Variants in NRXN3 observed in about 807,000 individuals in gnomAD.
NRXN3 encodes the protein neurexin III.
NRXN3 carries 32 observed loss-of-function variants against 137.6 expected under a neutral mutation model. That is an observed-to-expected ratio of 0.23 (90% CI 0.18 to 0.31). NRXN3 has a LOEUF of 0.31. Ranked by LOEUF, NRXN3 falls within the 10% of genes least tolerant of loss-of-function variation. NRXN3 has a pLI of 1.00. For missense variants in NRXN3, 1,574 were observed against 2,062.5 expected, an observed-to-expected ratio of 0.76 and a Z score of 4.59; for synonymous variants, 798 against 784.5, an observed-to-expected ratio of 1.02 and a Z score of -0.29.
intron 15 of NRXN3, among the ~76,000 whole-genome samples, chr14:79,264,458 GT>G (rs2153414034): frequency 6.6e-6 from 1 of 151,912 alleles, no homozygotes; most frequent in African/African-American, 2.4e-5. Flanking sequence ...ACAAAGTTAG[GT>G]TTCTTCTGAG....
intron 4 of NRXN3, among the ~76,000 whole-genome samples, chr14:78,419,758 G>C (rs760029747): frequency 4.6e-5 from 7 of 152,140 alleles, no homozygotes; most frequent in Non-Finnish European, 1.0e-4. Context: ...CTAGAGACTG[G>C]GTGAAGGGGA....
intron 19 of NRXN3, among the ~76,000 whole-genome samples, chr14:79,744,979 G>A (rs1184125196): frequency 6.8e-6 from 1 of 147,606 alleles, no homozygotes; most frequent in Non-Finnish European, 1.5e-5. Flanking sequence ...TATTAGCCAG[G>A]ACCAGTTTAA....
chr14:78,214,422 C>T (rs1250820940), intron 1 of NRXN3, among the ~76,000 whole-genome samples: 2 of 152,194 alleles, frequency 1.3e-5, no homozygotes, highest in African/African-American at 2.4e-5. Flanking sequence ...GTCACAGTTT[C>T]ACATCTTTCC....
At chr14:79,732,293 A>G (rs2098926858) in intron 19 of NRXN3, among the ~76,000 whole-genome samples, 2 of 152,220 alleles carry the variant, frequency 1.3e-5, no homozygotes, top group African/African-American at 4.8e-5. Context: ...ACCAATAAGT[A>G]ATCAATAAAC....
intron 15 of NRXN3, among the ~76,000 whole-genome samples, chr14:79,035,751 G>A (rs972178691): frequency 6.6e-6 from 1 of 152,100 alleles, no homozygotes; most frequent in Non-Finnish European, 1.5e-5. Flanking sequence ...AAATCTTGGA[G>A]ATTTTCTGCA....
chr14:78,497,782 A>G (rs2095812810), intron 4 of NRXN3, among the ~76,000 whole-genome samples: 1 of 152,164 alleles, frequency 6.6e-6, no homozygotes, highest in African/African-American at 2.4e-5. Flanking sequence ...TCTGCCCATT[A>G]CTTTAGCTAT....
At chr14:78,173,057 G>A (rs1374111024) in intron 1 of NRXN3, among the ~76,000 whole-genome samples, 2 of 152,060 alleles carry the variant, frequency 1.3e-5, no homozygotes, top group Non-Finnish European at 2.9e-5. Flanking sequence ...ATTGGGTGGC[G>A]GTTGGTGTGT....
At chr14:78,721,962 T>C (rs2098462274) in intron 8 of NRXN3, among the ~76,000 whole-genome samples, 1 of 151,992 alleles carries the variant, frequency 6.6e-6, no homozygotes, top group South Asian at 2.1e-4. Context: ...CTTCCGGTTC[T>C]GCAAGTTTCC....
intron 15 of NRXN3, among the ~76,000 whole-genome samples, chr14:79,209,078 A>G (rs540611107): frequency 1.9e-4 from 29 of 152,184 alleles, no homozygotes; most frequent in African/African-American, 6.3e-4. Context: ...AGCTGGGACT[A>G]TAGGCACGTG....
At chr14:78,813,483 G>T (rs1285945089) in intron 10 of NRXN3, among the ~76,000 whole-genome samples, 1 of 152,050 alleles carries the variant, frequency 6.6e-6, no homozygotes, top group Admixed American at 6.5e-5. Flanking sequence ...GAAGTCATAG[G>T]GTACCTTGCT....
At chr14:78,441,261 T>C (rs948479298) in intron 4 of NRXN3, among the ~76,000 whole-genome samples, 1 of 152,188 alleles carries the variant, frequency 6.6e-6, no homozygotes, top group Non-Finnish European at 1.5e-5. Context: ...CCAGATATAT[T>C]CTTGATCTCA....
chr14:79,443,288 A>G (rs1289830671), intron 15 of NRXN3, among the ~76,000 whole-genome samples: 1 of 152,204 alleles, frequency 6.6e-6, no homozygotes, highest in Non-Finnish European at 1.5e-5. Flanking sequence ...GAAGGATAAA[A>G]AGATACAAAC....
chr14:78,320,172 T>C (rs1392030469), intron 4 of NRXN3, among the ~76,000 whole-genome samples: 1 of 152,190 alleles, frequency 6.6e-6, no homozygotes, highest in African/African-American at 2.4e-5. Flanking sequence ...TTAAAGTGTG[T>C]GTCTTTGGCT....
At chr14:78,769,968 A>T (rs749590226) in intron 8 of NRXN3, among the ~76,000 whole-genome samples, 27 of 152,128 alleles carry the variant, frequency 1.8e-4, no homozygotes, top group Non-Finnish European at 2.8e-4. Context: ...AGAAAAAAAA[A>T]AAAGGCCGCA....
At chr14:78,489,359 G>A (rs2095622400) in intron 4 of NRXN3, among the ~76,000 whole-genome samples, 1 of 152,174 alleles carries the variant, frequency 6.6e-6, no homozygotes, top group Non-Finnish European at 1.5e-5. Context: ...TGCCAAAGTG[G>A]TTGACGTTGG....
intron 4 of NRXN3, among the ~76,000 whole-genome samples, chr14:78,521,617 G>T (rs1032330920): frequency 1.2e-4 from 18 of 152,170 alleles, no homozygotes; most frequent in African/African-American, 4.1e-4. Context: ...TAAGTTTGTG[G>T]ATGGGGAAAA....
chr14:79,716,679 G>A (rs992290927), intron 19 of NRXN3, among the ~76,000 whole-genome samples: 2 of 152,036 alleles, frequency 1.3e-5, no homozygotes, highest in Admixed American at 1.3e-4. Context: ...CCAGAAGCTG[G>A]AGATAATGTG....
chr14:78,328,829 G>A (rs1316729392), intron 4 of NRXN3, among the ~76,000 whole-genome samples: 4 of 152,156 alleles, frequency 2.6e-5, no homozygotes, highest in Admixed American at 6.5e-5. Flanking sequence ...CACTTTCAAA[G>A]AACTTAAAAT....
rs34471708 is a variant in NRXN3, at chr14:79,462,492, G to GATAT, written c.3263-4719_3263-4716dup. Among the ~76,000 whole-genome samples the GATAT allele has an allele frequency of 1.6e-3, 208 of 128,804 alleles. 3 individuals are homozygous for GATAT. The highest frequency in any genetic ancestry group is 9.9e-3 in the South Asian group (36 of 3,634). 84.5% of individuals were successfully genotyped at this position (128,804 alleles called of 152,430 possible). ...GAATTATTTGAGGGAAGGCTATTTT[G>GATAT]ATATATATATATACACACATATATG... On this transcript the variant is annotated intron_variant, in intron 15 of 20. Coordinates refer to ENST00000335750, the MANE Select transcript of NRXN3 (RefSeq NM_001330195.2).
Sources: allele counts gnomAD v4.1 joint callset (sites outside exome capture counted in the v4.1 genomes callset), GRCh38; gene constraint gnomAD v4.1.1; transcripts MANE v1.5; gene names NCBI Gene and HGNC (gene_info 2026-07-23, HGNC 2026-07-21).